The following FAM163A variants were observed in gnomAD, a reference collection of about 807,000 sequenced individuals.
FAM163A encodes the protein protein FAM163A.
FAM163A carries 7 observed loss-of-function variants against 12.0 expected under a neutral mutation model. The ratio of observed to expected loss-of-function variants is 0.58; its 90% CI spans 0.33 to 1.10. The LOEUF is 1.10. Among genes scored for constraint, FAM163A ranks in the 50% least tolerant of loss-of-function variants. The probability of loss-of-function intolerance (pLI) is 0.03; values close to 1 mark genes in which losing one functional copy is unlikely to be tolerated. For synonymous variants in FAM163A, 101 were observed against 91.0 expected, an observed-to-expected ratio of 1.11 and a Z score of -0.62; for missense variants, 202 against 218.6, an observed-to-expected ratio of 0.92 and a Z score of 0.48.
chr1:179,809,830 G>GCTGT (rs1694458264), intron 2 of FAM163A, among the ~76,000 whole-genome samples: 1 of 152,162 alleles, frequency 6.6e-6, no homozygotes, highest in Non-Finnish European at 1.5e-5. Context: ...ATGAAGTGGT[G>GCTGT]CTGTAGTGAA....
chr1:179,729,960 C>T, the FAM163A span, among the ~76,000 whole-genome samples: 2 of 152,222 alleles, frequency 1.3e-5, no homozygotes, highest in African/African-American at 4.8e-5. Context: ...TGCTTTTAAT[C>T]CTGCTGCTGT....
intron 1 of FAM163A, among the ~76,000 whole-genome samples, chr1:179,765,010 C>T (rs529022220): frequency 7.9e-5 from 12 of 152,320 alleles, no homozygotes; most frequent in South Asian, 4.1e-4. Context: ...ACAGAGATCG[C>T]GGGATCTCAG....
chr1:179,809,718 T>C (rs749495056), intron 2 of FAM163A, among the ~76,000 whole-genome samples: 72 of 152,214 alleles, frequency 4.7e-4, no homozygotes, highest in Admixed American at 1.6e-3. Flanking sequence ...CAAGCCTGTC[T>C]GTGGGGTGGA....
intron 1 of FAM163A, among the ~76,000 whole-genome samples, chr1:179,801,605 A>G (rs1693194352): frequency 6.6e-6 from 1 of 152,346 alleles, no homozygotes; most frequent in Non-Finnish European, 1.5e-5. Flanking sequence ...TCCGTTTTGC[A>G]GATGAGCCTC....
At chr1:179,783,755 A>ATATTATATAATT (rs1557940226) in intron 1 of FAM163A, among the ~76,000 whole-genome samples, 4 of 145,080 alleles carry the variant, frequency 2.8e-5, no homozygotes, top group African/African-American at 1.0e-4. Flanking sequence ...TATTATATAT[A>ATATTATATAATT]TATTATATAA....
At chr1:179,793,934 G>A (rs1691893850) in intron 1 of FAM163A, among the ~76,000 whole-genome samples, 1 of 152,164 alleles carries the variant, frequency 6.6e-6, no homozygotes, top group Admixed American at 6.5e-5. Context: ...TGTTATTGCT[G>A]TCCCCTTAAA....
upstream of FAM163A, among the ~76,000 whole-genome samples, chr1:179,739,129 AG>A (rs1354701249): frequency 1.3e-5 from 2 of 152,152 alleles, no homozygotes; most frequent in Admixed American, 6.5e-5. Flanking sequence ...AAGAAGGAGA[AG>A]GAGAAGGAGC....
chr1:179,785,334 G>A (rs1233633143), intron 1 of FAM163A, among the ~76,000 whole-genome samples: 1 of 152,188 alleles, frequency 6.6e-6, no homozygotes, highest in Non-Finnish European at 1.5e-5. Flanking sequence ...AACTGTGAGT[G>A]GAAGTCTCTG....
chr1:179,795,601 C>T (rs752021108), intron 1 of FAM163A, among the ~76,000 whole-genome samples: 3 of 152,160 alleles, frequency 2.0e-5, no homozygotes, highest in Admixed American at 6.5e-5. Context: ...GAACCATGAG[C>T]GAAATAAGCT....
chr1:179,738,843 A>C (rs1683296357), upstream of FAM163A, among the ~76,000 whole-genome samples: 1 of 152,230 alleles, frequency 6.6e-6, no homozygotes, highest in Non-Finnish European at 1.5e-5. Context: ...AGAAAGGCAA[A>C]GGAACTAGAA....
intron 1 of FAM163A, among the ~76,000 whole-genome samples, chr1:179,752,248 C>T (rs1344810241): frequency 6.6e-6 from 1 of 152,038 alleles, no homozygotes; most frequent in Admixed American, 6.6e-5. Context: ...TATCCCCATA[C>T]AAAAGAATAA....
intron 1 of FAM163A, among the ~76,000 whole-genome samples, chr1:179,765,942 C>T (rs1220972474): frequency 5.9e-5 from 9 of 152,116 alleles, no homozygotes; most frequent in Admixed American, 5.9e-4. Context: ...GTGACCTTGC[C>T]TAGGAGGGAT....
chr1:179,794,786 A>G (rs1374346774), intron 1 of FAM163A, among the ~76,000 whole-genome samples: 4 of 152,156 alleles, frequency 2.6e-5, no homozygotes, highest in Admixed American at 2.6e-4. Context: ...CAGATATTAC[A>G]TGGGAGTGAA....
chr1:179,784,965 G>A (rs1381657324), intron 1 of FAM163A, among the ~76,000 whole-genome samples: 1 of 152,148 alleles, frequency 6.6e-6, no homozygotes, highest in Non-Finnish European at 1.5e-5. Flanking sequence ...TCAAAGAAAA[G>A]CTGGCCAACC....
At chr1:179,805,783 C>G (rs1693851948) in intron 1 of FAM163A, among the ~76,000 whole-genome samples, 1 of 152,168 alleles carries the variant, frequency 6.6e-6, no homozygotes, top group African/African-American at 2.4e-5. Flanking sequence ...GGTTAGAGAG[C>G]TTAGAGAAAC....
At chr1:179,730,876 A>C in the FAM163A span, among the ~76,000 whole-genome samples, 1 of 152,246 alleles carries the variant, frequency 6.6e-6, no homozygotes, top group Non-Finnish European at 1.5e-5. Context: ...GGAAAACAAC[A>C]GGAAAGAATA....
At chr1:179,812,970 C>G in intron 3 of FAM163A, 106 bp from the exon 4 acceptor site, 1 of 1,065,924 alleles carries the variant, frequency 9.4e-7, no homozygotes. Flanking sequence ...ACCTGCTGCT[C>G]TCAGGCCCCC....
At chr1:179,796,520 A>G (rs1461466793) in intron 1 of FAM163A, among the ~76,000 whole-genome samples, 10 of 152,128 alleles carry the variant, frequency 6.6e-5, no homozygotes, top group African/African-American at 1.7e-4. Context: ...CTCTCCCTCT[A>G]TCTTGCACAG....
chr1:179,739,604 ATTC>A (rs532535650), upstream of FAM163A, among the ~76,000 whole-genome samples: 355 of 152,308 alleles, frequency 2.3e-3, no homozygotes, highest in Admixed American at 3.5e-3. Context: ...GCCCAAGGCA[ATTC>A]TTCTTCTTCC....
Sources: gnomAD v4.1 joint callset for allele counts (sites outside exome capture counted in the v4.1 genomes callset) on GRCh38, gnomAD v4.1.1 for gene constraint, MANE v1.5 for transcripts, NCBI Gene and HGNC (gene_info 2026-07-23, HGNC 2026-07-21) for gene names.